Variants in IMMP2L observed in about 807,000 individuals in gnomAD.
IMMP2L encodes the protein mitochondrial inner membrane protease subunit 2.
A neutral mutation model predicts 19.3 loss-of-function variants in IMMP2L; 18 were observed. The observed-to-expected ratio is 0.93, with a 90% CI of 0.64 to 1.38. IMMP2L has a LOEUF of 1.38. Among genes scored for constraint, IMMP2L ranks in the 40% most tolerant of loss-of-function variants. IMMP2L has a pLI of 0.00. For synonymous variants in IMMP2L, 76 were observed against 73.0 expected (o/e 1.04, Z -0.21); for missense variants, 233 against 218.2 (o/e 1.07, Z -0.43).
At chr7:111,530,658 G>T (rs1025331495) in intron 1 of IMMP2L, among the ~76,000 whole-genome samples, 36 of 151,256 alleles carry the variant, frequency 2.4e-4, no homozygotes, top group African/African-American at 8.5e-4. Context: ...GAAGAAAACT[G>T]GAATTACAGG....
At chr7:110,980,081 A>G (rs1821106814) in intron 3 of IMMP2L, among the ~76,000 whole-genome samples, 1 of 152,012 alleles carries the variant, frequency 6.6e-6, no homozygotes, top group African/African-American at 2.4e-5. Context: ...CTGTACAATA[A>G]AAAGCCCTTT....
intron 3 of IMMP2L, among the ~76,000 whole-genome samples, chr7:110,979,560 GTA>G (rs1241800186): frequency 1.3e-5 from 2 of 152,006 alleles, no homozygotes; most frequent in Non-Finnish European, 2.9e-5. Context: ...AATTCTATCA[GTA>G]TTATTGGGTG....
At chr7:110,983,533 T>TA (rs1821527656) in intron 3 of IMMP2L, among the ~76,000 whole-genome samples, 1 of 152,066 alleles carries the variant, frequency 6.6e-6, no homozygotes, top group East Asian at 1.9e-4. Flanking sequence ...AGGAGTCACA[T>TA]AAAAAATGCT....
intron 3 of IMMP2L, among the ~76,000 whole-genome samples, chr7:111,096,632 C>T (rs1359387634): frequency 6.6e-6 from 1 of 151,694 alleles, no homozygotes; most frequent in East Asian, 1.9e-4. Flanking sequence ...TAAACAGACA[C>T]TTGGCAAAGG....
At chr7:110,824,748 G>A (rs1035343188) in intron 5 of IMMP2L, among the ~76,000 whole-genome samples, 4 of 152,010 alleles carry the variant, frequency 2.6e-5, no homozygotes, top group Non-Finnish European at 4.4e-5. Context: ...TTGTTCAGCT[G>A]GCAATTCAAT....
chr7:111,548,855 T>C (rs1157230630), intron 1 of IMMP2L, among the ~76,000 whole-genome samples: 2 of 152,162 alleles, frequency 1.3e-5, no homozygotes, highest in African/African-American at 2.4e-5. Flanking sequence ...CAGAGACTGG[T>C]CATAAGTGCT....
chr7:111,487,185 C>T, intron 3 of IMMP2L, 53 bp downstream of exon 3: 1 of 795,428 alleles, frequency 1.3e-6, no homozygotes, highest in East Asian at 2.5e-5. Flanking sequence ...GTTAAATCAG[C>T]ATAAGTATAA....
intron 3 of IMMP2L, among the ~76,000 whole-genome samples, chr7:111,240,859 T>C (rs778093320): frequency 2.0e-5 from 3 of 151,964 alleles, no homozygotes; most frequent in Non-Finnish European, 4.4e-5. Context: ...TCACACTTAA[T>C]GTGATTTTTT....
At chr7:110,859,364 C>T (rs111374652) in intron 5 of IMMP2L, among the ~76,000 whole-genome samples, 59 of 151,556 alleles carry the variant, frequency 3.9e-4, no homozygotes, top group Non-Finnish European at 5.6e-4. Flanking sequence ...TTAGGAATTC[C>T]GATAAAGACA....
chr7:111,197,304 A>C (rs1809610490), intron 3 of IMMP2L, among the ~76,000 whole-genome samples: 1 of 152,118 alleles, frequency 6.6e-6, no homozygotes, highest in African/African-American at 2.4e-5. Context: ...TCTACTAAAA[A>C]TACAAAAAAT....
chr7:111,347,560 A>G (rs1827697320), intron 3 of IMMP2L, among the ~76,000 whole-genome samples: 1 of 151,994 alleles, frequency 6.6e-6, no homozygotes, highest in Admixed American at 6.6e-5. Context: ...TAAGAGCACA[A>G]GAATAAGCTT....
intron 3 of IMMP2L, among the ~76,000 whole-genome samples, chr7:111,022,559 A>T (rs936764935): frequency 6.6e-6 from 1 of 152,184 alleles, no homozygotes; most frequent in Non-Finnish European, 1.5e-5. Context: ...TGCTCCCTCA[A>T]GAATCTTAGT....
chr7:111,243,328 A>C (rs963352594), intron 3 of IMMP2L, among the ~76,000 whole-genome samples: 4 of 151,960 alleles, frequency 2.6e-5, no homozygotes, highest in East Asian at 1.9e-4. Context: ...CTATGACATA[A>C]CTGAGGCATG....
chr7:111,239,478 G>A (rs2129628617), intron 3 of IMMP2L, among the ~76,000 whole-genome samples: 1 of 151,870 alleles, frequency 6.6e-6, no homozygotes, highest in East Asian at 1.9e-4. Flanking sequence ...CACCTCCTTG[G>A]TTCAATCTAT....
At position 110,720,811 on chromosome 7, in the gene IMMP2L, T is replaced by C. The variant is rs551329787; in HGVS notation, c.409-57090A>G. Among the ~76,000 whole-genome samples, 7 of 152,206 alleles carry C rather than the reference T, an allele frequency of 4.6e-5. No individual in the cohort carries two copies. In the South Asian group the frequency reaches 1.0e-3, roughly 23 times the overall value. On this transcript the variant is annotated intron_variant, in intron 5 of 5. Transcript: ENST00000405709. ...GCTTTTAAAATACCAAGGAAACACT[T>C]TGGGATTCTTGCCAACCTGTTTTTC...
chr7:110,974,359 T>C (rs1223559195), intron 3 of IMMP2L, among the ~76,000 whole-genome samples: 1 of 152,114 alleles, frequency 6.6e-6, no homozygotes, highest in African/African-American at 2.4e-5. Context: ...AGTGGGTTTG[T>C]AGGCAATGGC....
At chr7:111,056,491 A>C (rs1029369458) in intron 3 of IMMP2L, among the ~76,000 whole-genome samples, 22 of 152,260 alleles carry the variant, frequency 1.4e-4, no homozygotes, top group African/African-American at 5.1e-4. Flanking sequence ...TAGCTATGTT[A>C]GATATTTAAA....
chr7:110,888,844 A>C (rs1442631562), intron 4 of IMMP2L, among the ~76,000 whole-genome samples: 2 of 152,140 alleles, frequency 1.3e-5, no homozygotes, highest in Non-Finnish European at 2.9e-5. Context: ...AGTCTTTGGA[A>C]CTTTGCCTTA....
intron 3 of IMMP2L, among the ~76,000 whole-genome samples, chr7:110,990,036 C>T (rs1396074634): frequency 6.6e-6 from 1 of 152,088 alleles, no homozygotes; most frequent in Non-Finnish European, 1.5e-5. Context: ...AAAGCCCATA[C>T]ATTATTTTCT....
Sources: gnomAD v4.1 joint callset for allele counts (sites outside exome capture counted in the v4.1 genomes callset) on GRCh38, gnomAD v4.1.1 for gene constraint, MANE v1.5 for transcripts, NCBI Gene and HGNC (gene_info 2026-07-23, HGNC 2026-07-21) for gene names.